The following COL13A1 variants were observed in gnomAD, a reference collection of about 807,000 sequenced individuals.
COL13A1 encodes the protein collagen type XIII alpha 1 chain.
Under a neutral mutation model 130.9 loss-of-function variants are expected in COL13A1, and 89 were observed. That is an observed-to-expected ratio of 0.68 (90% CI 0.57 to 0.81). The LOEUF is 0.81. Ranked by LOEUF, COL13A1 falls within the 30% of genes least tolerant of loss-of-function variation. The pLI is 0.00. For missense variants in COL13A1, 879 were observed against 934.6 expected (o/e 0.94, Z 0.78); for synonymous variants, 402 against 341.6 (o/e 1.18, Z -1.95).
Position 69,907,937 on chromosome 10 carries a change from G to A in COL13A1, c.921+2115G>A, listed in dbSNP as rs565459033. 5.3e-5 allele frequency among the ~76,000 whole-genome samples: 8 copies of A among 152,344 alleles called. No homozygotes were observed. In the South Asian group the frequency reaches 1.7e-3, roughly 32 times the overall value. On this transcript the variant is annotated intron_variant, in intron 17 of 40. Transcript: ENST00000645393. Reference sequence around the variant, plus strand: ...CACCTCTCAACACTGTTGCATTGGGGATTAAGTTTCCAACACAAGAGCTAT... The same window carrying A: ...CACCTCTCAACACTGTTGCATTGGGAATTAAGTTTCCAACACAAGAGCTAT...
chr10:69,891,757 A>C (rs1166297304), intron 10 of COL13A1, among the ~76,000 whole-genome samples: 1 of 152,198 alleles, frequency 6.6e-6, no homozygotes, highest in Non-Finnish European at 1.5e-5. Flanking sequence ...GCCCCCCAGA[A>C]GTAATAATAA....
chr10:69,935,314 A>C (rs371255089), intron 31 of COL13A1, 36 bp from the exon 32 acceptor site: 1 of 1,558,734 alleles, frequency 6.4e-7, no homozygotes, highest in Non-Finnish European at 8.7e-7. Context: ...AGGGAGGGCC[A>C]CTTCAAATGT....
chr10:69,887,492 G>T lies in COL13A1; in HGVS notation c.549+1G>T. ...AACTAGAGGTTTCCCTGGATTTCCG[G>T]TAAGTGGAGAAGGCTGAAGTTAGCT... On this transcript the variant is annotated splice_donor_variant, in intron 8 of 40. Transcript: ENST00000645393. LOFTEE classifies it high-confidence loss of function. 1 of 1,613,584 alleles carries T rather than the reference G, an allele frequency of 6.2e-7. No individual in the cohort carries two copies. The highest frequency in any genetic ancestry group is 8.5e-7 in the Non-Finnish European group (1 of 1,179,784).
At chr10:69,814,254 G>A (rs1348175698) in intron 1 of COL13A1, among the ~76,000 whole-genome samples, 2 of 152,348 alleles carry the variant, frequency 1.3e-5, no homozygotes, top group East Asian at 1.9e-4. Context: ...AGGGTCAAAA[G>A]GCAGGGCTGC....
In COL13A1 at chr10:69,921,902, C is replaced by A. The variant is rs1249281996; in HGVS notation, c.1110C>A (p.Gly370=). The A allele has an allele frequency of 1.2e-6, 2 of 1,607,480 alleles. No individual in the cohort carries two copies. The highest frequency in any genetic ancestry group is 1.7e-6 in the Non-Finnish European group (2 of 1,177,300). The change falls in exon 22 of 41, where the codon GGC becomes GGA. Residue 370 remains glycine (G), a synonymous_variant. Transcript: ENST00000645393. ...RGQRGEKGAE[G]SPGLPGLLGQ... ...TGCAGGGTGAGAAGGGGGCTGAAGGCTCCCCTGGGCTTCCTGGCCTCCTGG... is the reference window on the plus strand; with the variant it reads ...TGCAGGGTGAGAAGGGGGCTGAAGGATCCCCTGGGCTTCCTGGCCTCCTGG...
At chr10:69,840,419 G>T (rs1430346421) in intron 2 of COL13A1, among the ~76,000 whole-genome samples, 1 of 152,186 alleles carries the variant, frequency 6.6e-6, no homozygotes, top group Non-Finnish European at 1.5e-5. Context: ...CACTTCACCA[G>T]CTTAGGAGCA....
rs550408795 is a variant in COL13A1, at chr10:69,822,850, A to G, written c.364+412A>G. Among the ~76,000 whole-genome samples the G allele has an allele frequency of 4.6e-5, 7 of 152,372 alleles. No individual in the cohort carries two copies. The South Asian group carries it at 1.0e-3, about 23-fold the overall frequency. ...GTATACAAAAATGTTTGTTACCTGA[A>G]TGAATGACCCTATAATTGTAAGACC... is the stretch of plus-strand genomic sequence containing the variant. On this transcript the variant is annotated intron_variant, in intron 2 of 40. Transcript: ENST00000645393.
At chr10:69,953,222 G>T (rs1391934297) in intron 39 of COL13A1, among the ~76,000 whole-genome samples, 3 of 152,198 alleles carry the variant, frequency 2.0e-5, no homozygotes, top group African/African-American at 7.2e-5. Context: ...ATCGATGTGT[G>T]GAAGTGAGGA....
At chr10:69,938,018 C>G (rs1359546285) in intron 34 of COL13A1, among the ~76,000 whole-genome samples, 1 of 152,232 alleles carries the variant, frequency 6.6e-6, no homozygotes, top group East Asian at 1.9e-4. Flanking sequence ...GCAATCAAAG[C>G]CTGCTGCCTT....
Position 69,888,285 on chromosome 10 carries a change from C to G in COL13A1, c.550-19C>G. On this transcript the variant is annotated intron_variant, in intron 8 of 40. Coordinates refer to ENST00000645393, the MANE Select transcript of COL13A1 (RefSeq NM_001368882.1). ...GTCCTGTGATGCTCAGTCTTTACAT[C>G]TGGCCTTTCTGGTTTCAGGGTCCCA... The G allele has an allele frequency of 6.2e-7, 1 of 1,612,656 alleles. No homozygotes were observed. The highest frequency in any genetic ancestry group is 1.3e-5 in the African/African-American group (1 of 75,056).
At chr10:69,835,847 A>G (rs1161175704) in intron 2 of COL13A1, among the ~76,000 whole-genome samples, 1 of 152,262 alleles carries the variant, frequency 6.6e-6, no homozygotes, top group Non-Finnish European at 1.5e-5. Context: ...AACAACATCT[A>G]TTAAGGGCTT....
chr10:69,925,908 T>C (rs766205913), intron 26 of COL13A1, 36 bp downstream of exon 26: 11 of 1,509,892 alleles, frequency 7.3e-6, no homozygotes. Context: ...AAGATCCTCA[T>C]GGATCTCAGG....
At chr10:69,860,369 G>A (rs1857644660) in intron 2 of COL13A1, among the ~76,000 whole-genome samples, 1 of 152,200 alleles carries the variant, frequency 6.6e-6, no homozygotes, top group African/African-American at 2.4e-5. Context: ...GCATGAGGGA[G>A]ACACAGCTCC....
At chr10:69,870,689 C>T (rs1031816499) in intron 3 of COL13A1, among the ~76,000 whole-genome samples, 1 of 152,018 alleles carries the variant, frequency 6.6e-6, no homozygotes, top group African/African-American at 2.4e-5. Flanking sequence ...TTCCAAGAAA[C>T]ATTTTAGGGG....
intron 5 of COL13A1, 106 bp downstream of exon 5, chr10:69,875,269 G>A (rs2059466025): frequency 2.9e-6 from 4 of 1,401,326 alleles, no homozygotes; most frequent in Non-Finnish European, 4.0e-6. Flanking sequence ...GCCCAAGGAG[G>A]GGGTCAGCAC....
rs2064184761 is a variant in COL13A1, at chr10:69,918,286, G to T, written c.968G>T (p.Gly323Val). ...CCTTTTTTTTTCTCTCTCTGCCAGG[G>T]GGCGCCCGGAATTGCCGTGGCTGGG... ...PGMPGKHGAK[G>V]APGIAVAGMK... The change falls in exon 19 of 41, where the codon GGG becomes GTG. Residue 323 changes from glycine to valine, a missense_variant and splice_region_variant. Around this residue, in one of 3 missense-constraint regions of COL13A1, gnomAD observed 715 missense variants for 721.0 expected, o/e 0.99. Transcript: ENST00000645393. 1 of 1,612,678 alleles carries T rather than the reference G, an allele frequency of 6.2e-7. No individual in the cohort carries two copies. The highest frequency in any genetic ancestry group is 1.3e-5 in the African/African-American group (1 of 74,872).
intron 39 of COL13A1, chr10:69,953,894 T>C (rs1212990505): frequency 6.5e-6 from 1 of 152,692 alleles, no homozygotes; most frequent in Non-Finnish European, 1.5e-5. Flanking sequence ...TATTCCATGG[T>C]TGGAGCTGGC....
chr10:69,813,328 C>A (rs7088469), intron 1 of COL13A1, among the ~76,000 whole-genome samples: 1 of 152,160 alleles, frequency 6.6e-6, no homozygotes, highest in East Asian at 1.9e-4. Context: ...TGACTCCTTG[C>A]GGCAGTAGCA....
At chr10:69,914,081 T>C (rs2063664181) in intron 17 of COL13A1, among the ~76,000 whole-genome samples, 1 of 152,092 alleles carries the variant, frequency 6.6e-6, no homozygotes, top group South Asian at 2.1e-4. Context: ...CAACCCCAAT[T>C]AGCCTGGAGA....
Sources: gnomAD v4.1 joint callset for allele counts (sites outside exome capture counted in the v4.1 genomes callset) on GRCh38, gnomAD v4.1.1 for gene constraint, gnomAD v4.1.1 regional missense constraint, MANE v1.5 for transcripts, NCBI Gene and HGNC (gene_info 2026-07-23, HGNC 2026-07-21) for gene names.